The following RELN variants were observed in gnomAD, a reference collection of about 807,000 sequenced individuals.
RELN encodes reelin.
RELN carries 108 observed loss-of-function variants against 427.6 expected under a neutral mutation model. The ratio of observed to expected loss-of-function variants is 0.25; its 90% CI spans 0.22 to 0.30. RELN has a LOEUF of 0.30. Ranked by LOEUF, RELN falls within the 10% of genes least tolerant of loss-of-function variation. RELN has a pLI of 1.00. For missense variants in RELN, 3,715 were observed against 4,302.8 expected, an observed-to-expected ratio of 0.86 and a Z score of 3.82; for synonymous variants, 1,524 against 1,513.4, an observed-to-expected ratio of 1.01 and a Z score of -0.16.
chr7:103,927,744 T>C (rs1428585021), intron 1 of RELN, among the ~76,000 whole-genome samples: 1 of 152,138 alleles, frequency 6.6e-6, no homozygotes, highest in East Asian at 1.9e-4. Context: ...TAAGTATAAG[T>C]TTGTGTTTTC....
chr7:103,537,432 G>A (rs1229796536), intron 45 of RELN, among the ~76,000 whole-genome samples: 1 of 152,132 alleles, frequency 6.6e-6, no homozygotes, highest in Non-Finnish European at 1.5e-5. Context: ...ACCTTACCAA[G>A]CACAAATCCC....
Position 103,824,527 on chromosome 7 carries a change from G to C in RELN, c.473+9010C>G, listed in dbSNP as rs1793083703. ...TCTAGGACCTAAATCAGGTTTAAGA[G>C]ACCTGCAGGCCACCACAATGTCAGT... On this transcript the variant is annotated intron_variant, in intron 3 of 64. Transcript: ENST00000428762. The surrounding 1 kb of genome is among the most constrained non-coding windows in gnomAD (Gnocchi z 4.4). Among the ~76,000 whole-genome samples, 1 of 151,910 alleles carries C rather than the reference G, an allele frequency of 6.6e-6. No individual in the cohort carries two copies. Among genetic ancestry groups the C allele is most frequent in the African/African-American group, 2.4e-5 (1 of 41,396 alleles).
intron 11 of RELN, among the ~76,000 whole-genome samples, chr7:103,664,716 G>C (rs148825939): frequency 3.3e-5 from 5 of 152,222 alleles, no homozygotes; most frequent in African/African-American, 1.2e-4. Context: ...GCATTTACAT[G>C]ATTAGTAGTG....
At chr7:103,556,429 G>GTATA (rs3056317) in intron 38 of RELN, among the ~76,000 whole-genome samples, 28 of 149,190 alleles carry the variant, frequency 1.9e-4, no homozygotes, top group Admixed American at 4.7e-4. Context: ...ATATATACGT[G>GTATA]TATATATATA....
chr7:103,865,832 C>T (rs558467595), intron 2 of RELN, among the ~76,000 whole-genome samples: 2 of 152,234 alleles, frequency 1.3e-5, no homozygotes, highest in African/African-American at 2.4e-5. Context: ...GCTCTAAGAT[C>T]GGGAACAAGG....
At chr7:103,553,056 T>C (rs1296891325) in intron 40 of RELN, among the ~76,000 whole-genome samples, 2 of 152,108 alleles carry the variant, frequency 1.3e-5, no homozygotes, top group Non-Finnish European at 2.9e-5. Context: ...GTAAAATTAA[T>C]AACATCATGA....
chr7:103,897,058 A>G (rs1794977145), intron 2 of RELN, among the ~76,000 whole-genome samples: 1 of 151,952 alleles, frequency 6.6e-6, no homozygotes. Flanking sequence ...CCTTTATAAA[A>G]CCATCAGATC....
At chr7:103,483,575 T>C in intron 62 of RELN, 78 bp downstream of exon 62, 2 of 1,476,500 alleles carry the variant, frequency 1.4e-6, no homozygotes, top group African/African-American at 1.4e-5. Flanking sequence ...ACCCAACTTC[T>C]ACCTCAAACT....
intron 2 of RELN, among the ~76,000 whole-genome samples, chr7:103,835,553 G>A (rs1461240191): frequency 6.6e-6 from 1 of 152,164 alleles, no homozygotes; most frequent in African/African-American, 2.4e-5. Context: ...TAGGGATAGT[G>A]GGTGTATGGC....
In RELN at chr7:103,721,175, G is replaced by C. The variant is rs774044524; in HGVS notation, c.805+1965C>G. Among the ~76,000 whole-genome samples, 133 of 151,984 alleles carry C rather than the reference G, an allele frequency of 8.8e-4. 1 individual carries two copies. The highest frequency in any genetic ancestry group is 1.7e-3 in the Non-Finnish European group (118 of 67,932). On this transcript the variant is annotated intron_variant, in intron 8 of 64. Coordinates refer to ENST00000428762, the MANE Select transcript of RELN (RefSeq NM_005045.4). ...TAAATGTATTTTTAGTTATAAACTT[G>C]AGATCTCTTTTTCTCATTTCCTTCC... is the stretch of plus-strand genomic sequence containing the variant.
chr7:103,631,431 CT>C (rs1291133388), intron 19 of RELN, among the ~76,000 whole-genome samples: 1 of 151,476 alleles, frequency 6.6e-6, no homozygotes, highest in African/African-American at 2.4e-5. Context: ...GTAGCTGGGA[CT>C]ACAGGCACAT....
intron 20 of RELN, among the ~76,000 whole-genome samples, chr7:103,627,653 T>G (rs1400425131): frequency 6.6e-6 from 1 of 152,204 alleles, no homozygotes; most frequent in Non-Finnish European, 1.5e-5. Flanking sequence ...CCTTTTTGCT[T>G]CAGAGAAGAT....
chr7:103,665,474 T>C (rs1833244196), intron 11 of RELN, among the ~76,000 whole-genome samples: 1 of 152,090 alleles, frequency 6.6e-6, no homozygotes, highest in African/African-American at 2.4e-5. Flanking sequence ...TTGGCTACTG[T>C]TGCCCTTGTT....
intron 46 of RELN, among the ~76,000 whole-genome samples, chr7:103,529,947 C>T (rs1448627537): frequency 6.6e-6 from 1 of 152,122 alleles, no homozygotes; most frequent in Non-Finnish European, 1.5e-5. Context: ...CCATGTTATT[C>T]TGAATCTTCT....
At chr7:103,558,131 A>G in intron 36 of RELN, 82 bp from the exon 37 acceptor site, 2 of 728,750 alleles carry the variant, frequency 2.7e-6, no homozygotes, top group East Asian at 5.2e-5. Flanking sequence ...CCTAACTTGC[A>G]TTAGCTAAGT....
At chr7:103,907,920 A>G (rs1795253223) in intron 2 of RELN, among the ~76,000 whole-genome samples, 1 of 151,984 alleles carries the variant, frequency 6.6e-6, no homozygotes, top group Non-Finnish European at 1.5e-5. Context: ...CTCCACATGC[A>G]TTAGGTATTT....
intron 6 of RELN, among the ~76,000 whole-genome samples, chr7:103,733,448 C>T (rs1044675442): frequency 7.5e-6 from 1 of 133,636 alleles, no homozygotes; most frequent in South Asian, 2.4e-4. Flanking sequence ...GGGTATATAC[C>T]CAAAGGACTA....
chr7:103,858,877 C>T (rs777745780), intron 2 of RELN, among the ~76,000 whole-genome samples: 1 of 152,068 alleles, frequency 6.6e-6, no homozygotes, highest in African/African-American at 2.4e-5. Context: ...ATGAATAGCC[C>T]TACAGGAACA....
chr7:103,526,554 G>A (rs893152235), intron 46 of RELN, among the ~76,000 whole-genome samples: 1 of 152,132 alleles, frequency 6.6e-6, no homozygotes, highest in East Asian at 1.9e-4. Context: ...ATCAAACAAG[G>A]ATACACATAC....
Sources: gnomAD v4.1 joint callset for allele counts (sites outside exome capture counted in the v4.1 genomes callset) on GRCh38, gnomAD v4.1.1 for gene constraint, Gnocchi (gnomAD v3.1) non-coding constraint, MANE v1.5 for transcripts, NCBI Gene and HGNC (gene_info 2026-07-23, HGNC 2026-07-21) for gene names.